Variants in PTN observed in about 807,000 individuals in gnomAD.
PTN encodes heparin affin regulatory protein.
In PTN, 18 loss-of-function variants were observed where a neutral mutation model predicts 24.1. The observed-to-expected ratio is 0.75, with a 90% CI of 0.52 to 1.11. The LOEUF (loss-of-function observed/expected upper bound fraction) is 1.11, where lower values mean the gene tolerates loss of function less well. PTN is among the 50% of genes least tolerant of loss of function. The probability of loss-of-function intolerance (pLI) is 0.00; values close to 1 mark genes in which losing one functional copy is unlikely to be tolerated. For missense variants in PTN, 163 were observed against 198.8 expected, an observed-to-expected ratio of 0.82 and a Z score of 1.08; for synonymous variants, 78 against 68.6, an observed-to-expected ratio of 1.14 and a Z score of -0.67.
chr7:137,269,201 ACTTT>A (rs148250048), intron 1 of PTN, among the ~76,000 whole-genome samples: 62 of 152,332 alleles, frequency 4.1e-4, no homozygotes, highest in African/African-American at 1.4e-3. Flanking sequence ...ATGGTATCTA[ACTTT>A]CTGAGATTTT....
At chr7:137,337,987 C>T (rs1279642662) in intron 1 of PTN, among the ~76,000 whole-genome samples, 1 of 152,002 alleles carries the variant, frequency 6.6e-6, no homozygotes, top group East Asian at 1.9e-4. Context: ...ACAGCCCTTG[C>T]CTTAATAGGG....
intron 1 of PTN, among the ~76,000 whole-genome samples, chr7:137,294,019 T>C (rs758246080): frequency 3.9e-5 from 6 of 152,148 alleles, no homozygotes; most frequent in Non-Finnish European, 7.4e-5. Flanking sequence ...TACAAGTATA[T>C]CTTGAGTCTG....
intron 1 of PTN, among the ~76,000 whole-genome samples, chr7:137,339,313 TC>T (rs1223032538): frequency 6.6e-6 from 1 of 152,044 alleles, no homozygotes; most frequent in East Asian, 1.9e-4. Flanking sequence ...GACACCATGT[TC>T]TATTTCTTAA....
intron 1 of PTN, among the ~76,000 whole-genome samples, chr7:137,300,570 G>A (rs1265246935): frequency 6.6e-6 from 1 of 151,890 alleles, no homozygotes; most frequent in African/African-American, 2.4e-5. Context: ...GAGTTTTTCA[G>A]ACACAGTAAA....
intron 1 of PTN, among the ~76,000 whole-genome samples, chr7:137,280,691 T>TAACAAAAAA (rs760779128): frequency 0.022 from 322 of 14,712 alleles, 42 homozygotes; most frequent in African/African-American, 0.049. Context: ...CCGTCTCTAC[T>TAACAAAAAA]AAAAATACAA....
At chr7:137,259,235 C>T (rs1808989733) in intron 1 of PTN, among the ~76,000 whole-genome samples, 1 of 152,084 alleles carries the variant, frequency 6.6e-6, no homozygotes, top group South Asian at 2.1e-4. Flanking sequence ...GAGAGCTCCC[C>T]TTTTCCTTAG....
At chr7:137,324,831 TTA>T (rs944504716) in intron 1 of PTN, 22 of 152,058 alleles carry the variant, frequency 1.4e-4, no homozygotes, top group African/African-American at 5.3e-4. Context: ...ACAGAATTGT[TTA>T]GAGTATAAAA....
At chr7:137,252,979 C>A (rs1009690176) in intron 3 of PTN, among the ~76,000 whole-genome samples, 13 of 151,550 alleles carry the variant, frequency 8.6e-5, no homozygotes, top group Non-Finnish European at 1.8e-4. Flanking sequence ...CTGAAAGTGA[C>A]AGGGAGAAAC....
intron 1 of PTN, among the ~76,000 whole-genome samples, chr7:137,269,386 T>G (rs1809224682): frequency 6.6e-6 from 1 of 152,164 alleles, no homozygotes; most frequent in Non-Finnish European, 1.5e-5. Flanking sequence ...TGGCTCACCA[T>G]GATCTACAGT....
chr7:137,277,279 G>A (rs1169092844), intron 1 of PTN, among the ~76,000 whole-genome samples: 2 of 152,126 alleles, frequency 1.3e-5, no homozygotes, highest in African/African-American at 2.4e-5. Context: ...CCAAGTGTTG[G>A]CAAAAATGTG....
intron 1 of PTN, among the ~76,000 whole-genome samples, chr7:137,278,306 C>A (rs1809402585): frequency 1.3e-4 from 8 of 62,848 alleles, no homozygotes; most frequent in Admixed American, 2.3e-4. Flanking sequence ...GACTCCGTCT[C>A]AAAAAAAAAA....
rs568469250 is a variant in PTN, at chr7:137,337,176, A to G, written c.-2+6263T>C. ...CATGACGCTAGTTAATCTGATAAACATTGAAGACAGGGAACTGCTGCTGTA... is the reference window on the plus strand; with the variant it reads ...CATGACGCTAGTTAATCTGATAAACGTTGAAGACAGGGAACTGCTGCTGTA... On this transcript the variant is annotated intron_variant, in intron 1 of 4. Coordinates refer to ENST00000348225, the MANE Select transcript of PTN (RefSeq NM_002825.7). 4.7e-4 allele frequency among the ~76,000 whole-genome samples: 72 copies of G among 152,330 alleles called. 1 individual carries two copies. Among genetic ancestry groups the G allele is most frequent in the Non-Finnish European group, 8.1e-4 (55 of 68,028 alleles).
intron 4 of PTN, among the ~76,000 whole-genome samples, chr7:137,247,652 T>C (rs1298395825): frequency 6.6e-6 from 1 of 152,002 alleles, no homozygotes. Context: ...ACGCAAAGAG[T>C]GTGATTAGGT....
At chr7:137,240,733 C>G (rs1808614161) in intron 4 of PTN, among the ~76,000 whole-genome samples, 1 of 152,152 alleles carries the variant, frequency 6.6e-6, no homozygotes, top group Non-Finnish European at 1.5e-5. Flanking sequence ...ACGAGCAAGA[C>G]AGCCTGCTAA....
At chr7:137,283,528 T>C (rs1809505473) in intron 1 of PTN, among the ~76,000 whole-genome samples, 1 of 152,178 alleles carries the variant, frequency 6.6e-6, no homozygotes, top group Non-Finnish European at 1.5e-5. Flanking sequence ...GTTAGAAGCC[T>C]GGCAAACTTA....
intron 1 of PTN, among the ~76,000 whole-genome samples, chr7:137,275,377 A>G (rs138593050): frequency 1.1e-3 from 165 of 152,312 alleles, no homozygotes; most frequent in Non-Finnish European, 1.2e-3. Context: ...TATCATTAGT[A>G]TCAGCAACTA....
rs142868922 is a variant in PTN at position 137,324,943 on chromosome 7, A to G, written c.-2+18496T>C. ...AACAGAGTATGAATTGTTTCAGAGT[A>G]TGAAACAGAGTATGAAATATCAATT... On this transcript the variant is annotated intron_variant, in intron 1 of 4. Transcript: ENST00000348225. 405 of 152,334 alleles carry G rather than the reference A, an allele frequency of 2.7e-3. 4 individuals carry two copies. The highest frequency in any genetic ancestry group is 9.3e-3 in the African/African-American group (386 of 41,588). The allele number at this position is 152,334 out of a possible 1,614,324, so 9.4% of individuals were successfully genotyped here.
At chr7:137,259,594 TTAC>T (rs1314338497) in intron 1 of PTN, among the ~76,000 whole-genome samples, 1 of 151,664 alleles carries the variant, frequency 6.6e-6, no homozygotes, top group Admixed American at 6.6e-5. Context: ...CTCTTATTAC[TTAC>T]TACAAAGAAG....
chr7:137,307,785 G>A (rs1392033101), intron 1 of PTN, among the ~76,000 whole-genome samples: 5 of 152,194 alleles, frequency 3.3e-5, no homozygotes, highest in African/African-American at 1.2e-4. Context: ...CCAATAGAAA[G>A]GCAGACGAAG....
Sources: allele counts gnomAD v4.1 joint callset (sites outside exome capture counted in the v4.1 genomes callset), GRCh38; gene constraint gnomAD v4.1.1; transcripts MANE v1.5; gene names NCBI Gene and HGNC (gene_info 2026-07-23, HGNC 2026-07-21).